NRG1: variants seen among roughly 807,000 people sequenced by gnomAD.
The protein encoded by NRG1 is pro-neuregulin-1, membrane-bound isoform.
Under a neutral mutation model 63.8 loss-of-function variants are expected in NRG1, and 18 were observed. The observed-to-expected ratio is 0.28, with a 90% CI of 0.19 to 0.42. The LOEUF (loss-of-function observed/expected upper bound fraction) is 0.42, where lower values mean the gene tolerates loss of function less well. Among genes scored for constraint, NRG1 ranks in the 10% least tolerant of loss-of-function variants. The pLI, the probability that NRG1 is intolerant of heterozygous loss-of-function variation, is 1.00. For missense variants in NRG1, 762 were observed against 814.7 expected (o/e 0.94, Z 0.79); for synonymous variants, 302 against 301.3 (o/e 1.00, Z -0.02).
intron 1 of NRG1, among the ~76,000 whole-genome samples, chr8:32,102,126 A>G (rs1488409063): frequency 6.6e-6 from 1 of 152,152 alleles, no homozygotes; most frequent in Admixed American, 6.5e-5. Context: ...TTTTAACAAT[A>G]CAAAAGAATA....
intron 1 of NRG1, among the ~76,000 whole-genome samples, chr8:31,909,795 G>A (rs1832794430): frequency 6.6e-6 from 1 of 152,158 alleles, no homozygotes; most frequent in East Asian, 1.9e-4. Flanking sequence ...TGTACATGTG[G>A]GAGAATCCCT....
At chr8:32,608,099 T>TG (rs1490836325) in intron 3 of NRG1, among the ~76,000 whole-genome samples, 6 of 131,794 alleles carry the variant, frequency 4.6e-5, no homozygotes, top group Admixed American at 7.8e-5. Context: ...TTTGTTTTTT[T>TG]TTTTTTTGTT....
intron 1 of NRG1, among the ~76,000 whole-genome samples, chr8:32,043,819 G>T (rs1820482990): frequency 1.3e-5 from 2 of 151,688 alleles, no homozygotes; most frequent in Non-Finnish European, 3.0e-5. Context: ...TAAAAAACCT[G>T]ATATACTTCG....
At chr8:32,327,867 G>C (rs1295976895) in intron 1 of NRG1, among the ~76,000 whole-genome samples, 3 of 152,162 alleles carry the variant, frequency 2.0e-5, no homozygotes, top group Admixed American at 2.0e-4. Flanking sequence ...AATGTTGCAA[G>C]CACTGCTTCC....
chr8:32,034,657 T>G (rs1336005600), intron 1 of NRG1, among the ~76,000 whole-genome samples: 1 of 152,250 alleles, frequency 6.6e-6, no homozygotes, highest in Non-Finnish European at 1.5e-5. Context: ...GAATTCAACT[T>G]CTTACTGGTT....
intron 6 of NRG1, among the ~76,000 whole-genome samples, chr8:32,731,926 CA>C (rs1340383937): frequency 6.6e-6 from 1 of 152,208 alleles, no homozygotes; most frequent in Non-Finnish European, 1.5e-5. Context: ...AGAAACACCA[CA>C]AGCATGGAAG....
At chr8:32,469,426 G>A (rs1043002010) in intron 1 of NRG1, among the ~76,000 whole-genome samples, 1 of 152,156 alleles carries the variant, frequency 6.6e-6, no homozygotes, top group African/African-American at 2.4e-5. Context: ...AGAGAAAAGT[G>A]AAAGCTTGTG....
At chr8:31,951,237 G>A (rs1260608752) in intron 1 of NRG1, among the ~76,000 whole-genome samples, 1 of 152,132 alleles carries the variant, frequency 6.6e-6, no homozygotes, top group Non-Finnish European at 1.5e-5. Flanking sequence ...TTGAGTTTGG[G>A]TACCCACTCT....
intron 1 of NRG1, among the ~76,000 whole-genome samples, chr8:32,220,174 C>T (rs1162480947): frequency 6.6e-6 from 1 of 152,098 alleles, no homozygotes; most frequent in Non-Finnish European, 1.5e-5. Flanking sequence ...GTTACTCAAC[C>T]TTGCAGTGGG....
rs374063071 is a variant in NRG1, at chr8:32,259,469, C to T, written c.38-336359C>T. ...CCACCTTCTGCCATGGGATCACCAT[C>T]CCCAGATGCCAGCATGATGTTCTTG... On this transcript the variant is annotated intron_variant, in intron 1 of 10. Transcript: ENST00000519301. Among the ~76,000 whole-genome samples, 7 of 152,276 alleles carry T rather than the reference C, an allele frequency of 4.6e-5. No individual in the cohort carries two copies. The East Asian group carries it at 1.4e-3, about 29-fold the overall frequency.
chr8:31,966,107 A>G (rs1254651835), intron 1 of NRG1, among the ~76,000 whole-genome samples: 1 of 148,148 alleles, frequency 6.8e-6, no homozygotes, highest in Non-Finnish European at 1.5e-5. Context: ...CCCTGAAACT[A>G]AAAAAAAAAG....
intron 1 of NRG1, among the ~76,000 whole-genome samples, chr8:32,160,825 C>T (rs1327060614): frequency 1.3e-5 from 2 of 152,182 alleles, no homozygotes; most frequent in African/African-American, 4.8e-5. Flanking sequence ...AAGCCCTCTG[C>T]TTACAAGCAC....
chr8:31,721,513 G>A (rs868602026), intron 1 of NRG1, among the ~76,000 whole-genome samples: 1 of 152,054 alleles, frequency 6.6e-6, no homozygotes, highest in African/African-American at 2.4e-5. Context: ...ATGTTTTCAC[G>A]TTTGAGAGCA....
chr8:32,608,095 TTTTTTTTTTTTG>T (rs1427186168), intron 3 of NRG1, among the ~76,000 whole-genome samples: 5 of 113,286 alleles, frequency 4.4e-5, no homozygotes, highest in Non-Finnish European at 8.2e-5. Context: ...TTTTTTTGTT[TTTTTTTTTTTTG>T]TTTTTTTTTT....
intron 1 of NRG1, among the ~76,000 whole-genome samples, chr8:32,110,147 TAA>T (rs1831819394): frequency 6.6e-6 from 1 of 152,208 alleles, no homozygotes; most frequent in Non-Finnish European, 1.5e-5. Context: ...TAGAAATCAT[TAA>T]GAGTGTATTT....
At chr8:32,287,058 G>C (rs989991296) in intron 1 of NRG1, 2 of 152,184 alleles carry the variant, frequency 1.3e-5, no homozygotes, top group Non-Finnish European at 2.9e-5. Flanking sequence ...GTAGAACTAT[G>C]AGCCAAATAA....
In NRG1 at chr8:32,263,410, C is replaced by T. The variant is rs567014363; in HGVS notation, c.38-332418C>T. On this transcript the variant is annotated intron_variant, in intron 1 of 10. Coordinates refer to the NRG1 transcript ENST00000519301. ...GAGCGATAAGGTAAGTCCAGGAAAGCGTGGGGCACTGGGAGAATGTAGAAG... is the reference window on the plus strand; with the variant it reads ...GAGCGATAAGGTAAGTCCAGGAAAGTGTGGGGCACTGGGAGAATGTAGAAG... 1.3e-3 allele frequency among the ~76,000 whole-genome samples: 195 copies of T among 152,224 alleles called. 1 individual carries two copies. The highest frequency in any genetic ancestry group is 4.6e-3 in the African/African-American group (190 of 41,556).
At chr8:32,262,326 T>G (rs1850470953) in intron 1 of NRG1, among the ~76,000 whole-genome samples, 1 of 152,128 alleles carries the variant, frequency 6.6e-6, no homozygotes, top group African/African-American at 2.4e-5. Flanking sequence ...AGTTCTTTGA[T>G]GTATAGTGGG....
intron 1 of NRG1, among the ~76,000 whole-genome samples, chr8:31,861,853 A>T (rs1431525371): frequency 6.6e-6 from 1 of 152,100 alleles, no homozygotes; most frequent in African/African-American, 2.4e-5. Flanking sequence ...TAGGTGATAG[A>T]TTTCACCTTC....
Sources: allele counts gnomAD v4.1 joint callset (sites outside exome capture counted in the v4.1 genomes callset), GRCh38; gene constraint gnomAD v4.1.1; transcripts MANE v1.5; gene names NCBI Gene and HGNC (gene_info 2026-07-23, HGNC 2026-07-21).